ELF2: variants seen among roughly 807,000 people sequenced by gnomAD.
ELF2 encodes the protein E74 like ETS transcription factor 2, also known as ETS-related transcription factor Elf-2.
In ELF2, 11 loss-of-function variants were observed where a neutral mutation model predicts 54.8. That is an observed-to-expected ratio of 0.20 (90% CI 0.13 to 0.33). The LOEUF (loss-of-function observed/expected upper bound fraction) is 0.33. Ranked by LOEUF, ELF2 falls within the 10% of genes least tolerant of loss-of-function variation. The probability of loss-of-function intolerance (pLI) is 1.00; values close to 1 mark genes in which losing one functional copy is unlikely to be tolerated. For missense variants in ELF2, 513 were observed against 703.0 expected (o/e 0.73, Z 3.06); for synonymous variants, 203 against 245.1 (o/e 0.83, Z 1.61).
At chr4:139,103,204 A>G (rs994726839) in intron 4 of ELF2, among the ~76,000 whole-genome samples, 2 of 152,242 alleles carry the variant, frequency 1.3e-5, no homozygotes, top group African/African-American at 4.8e-5. Flanking sequence ...TGAAATATAT[A>G]TATTTAGTCT....
intron 1 of ELF2, among the ~76,000 whole-genome samples, chr4:139,163,991 A>G (rs1741434214): frequency 6.7e-6 from 1 of 149,578 alleles, no homozygotes; most frequent in African/African-American, 2.5e-5. Context: ...GGAAAGAAAG[A>G]AGGAAAGGAA....
intron 3 of ELF2, among the ~76,000 whole-genome samples, chr4:139,130,892 A>G (rs919504019): frequency 6.6e-6 from 1 of 152,208 alleles, no homozygotes; most frequent in Non-Finnish European, 1.5e-5. Flanking sequence ...TTTTTCTGCC[A>G]TATGATACAG....
rs755423225 is a variant in ELF2 at position 139,060,546 on chromosome 4, G to C, written c.935C>G (p.Ala312Gly). The change falls in exon 9 of 10, where the codon GCA becomes GGA. Residue 312 changes from alanine to glycine, a missense_variant. Coordinates refer to ENST00000686138, the MANE Select transcript of ELF2 (RefSeq NM_001331036.3). ...TAATGATTTTTCATCAGTAGTTCCT[G>C]CTAAATCTTCATTACAGGTTTCACT... ...DKSETCNEDL[A>G]GTTDEKSLER... 11 of 1,614,198 alleles carry C rather than the reference G, an allele frequency of 6.8e-6. No individual in the cohort carries two copies. The South Asian group carries it at 1.2e-4, about 18-fold the overall frequency.
chr4:139,142,096 G>A (rs1020617026), intron 1 of ELF2, among the ~76,000 whole-genome samples: 1 of 152,022 alleles, frequency 6.6e-6, no homozygotes, highest in Non-Finnish European at 1.5e-5. Context: ...GCAGAGGAGA[G>A]AGAAAAAAAT....
chr4:139,089,083 T>C (rs939330587), intron 4 of ELF2, among the ~76,000 whole-genome samples: 3 of 152,224 alleles, frequency 2.0e-5, no homozygotes, highest in African/African-American at 7.2e-5. Context: ...ATTTCTATAC[T>C]GATTCAAAAA....
intron 1 of ELF2, among the ~76,000 whole-genome samples, chr4:139,160,119 C>T (rs1740976492): frequency 1.3e-5 from 2 of 152,086 alleles, no homozygotes; most frequent in Non-Finnish European, 2.9e-5. Flanking sequence ...GGGCAGATCA[C>T]GAGGTCAGGA....
chr4:139,085,352 A>G (rs1017920720), intron 4 of ELF2, among the ~76,000 whole-genome samples: 2 of 152,244 alleles, frequency 1.3e-5, no homozygotes, highest in African/African-American at 4.8e-5. Context: ...AGTGCCTCCT[A>G]CAGAGTAAGT....
At chr4:139,120,033 C>T (rs1736153586) in intron 4 of ELF2, among the ~76,000 whole-genome samples, 1 of 152,146 alleles carries the variant, frequency 6.6e-6, no homozygotes, top group Non-Finnish European at 1.5e-5. Flanking sequence ...CTTGGCCTCC[C>T]AAAGTGCTGG....
At chr4:139,094,661 T>C (rs572395900) in intron 4 of ELF2, among the ~76,000 whole-genome samples, 38 of 152,202 alleles carry the variant, frequency 2.5e-4, no homozygotes, top group Admixed American at 1.8e-3. Context: ...ACATACAACC[T>C]CAACAAACTA....
intron 2 of ELF2, 131 bp downstream of exon 2, chr4:139,139,282 A>C: frequency 9.2e-6 from 4 of 434,074 alleles, no homozygotes; most frequent in South Asian, 1.2e-4. Flanking sequence ...TCTTATAAAC[A>C]TAAAATGGAA....
At chr4:139,107,965 G>GAAA (rs370955690) in intron 4 of ELF2, among the ~76,000 whole-genome samples, 3 of 137,188 alleles carry the variant, frequency 2.2e-5, no homozygotes, top group Non-Finnish European at 4.8e-5. Flanking sequence ...CAGGAGAAGA[G>GAAA]AAAAAAAAAA....
intron 1 of ELF2, among the ~76,000 whole-genome samples, chr4:139,143,381 C>T (rs1738908232): frequency 6.6e-6 from 1 of 152,216 alleles, no homozygotes; most frequent in Non-Finnish European, 1.5e-5. Context: ...TGCCTCCCTT[C>T]ACTGTTGCAA....
intron 3 of ELF2, among the ~76,000 whole-genome samples, chr4:139,136,190 G>C (rs1738135095): frequency 6.6e-6 from 1 of 152,196 alleles, no homozygotes. Flanking sequence ...TACAGAAAGT[G>C]AATCTTGAGG....
intron 3 of ELF2, among the ~76,000 whole-genome samples, chr4:139,129,693 G>C (rs1184624150): frequency 6.6e-6 from 1 of 152,214 alleles, no homozygotes; most frequent in Non-Finnish European, 1.5e-5. Flanking sequence ...AAAGCACAGA[G>C]TAAGTTATTC....
intron 4 of ELF2, among the ~76,000 whole-genome samples, chr4:139,081,560 G>C (rs6857539): frequency 6.6e-6 from 1 of 152,090 alleles, no homozygotes; most frequent in African/African-American, 2.4e-5. Flanking sequence ...ATTTTCACCT[G>C]TCTCCCCAGA....
intron 1 of ELF2, among the ~76,000 whole-genome samples, chr4:139,160,716 AT>A (rs991273467): frequency 6.6e-6 from 1 of 152,102 alleles, no homozygotes; most frequent in African/African-American, 2.4e-5. Context: ...TAATTCTAGT[AT>A]TTTGGGAGGC....
chr4:139,176,284 G>A (rs1423574781), intron 1 of ELF2, among the ~76,000 whole-genome samples: 3 of 152,188 alleles, frequency 2.0e-5, no homozygotes, highest in Non-Finnish European at 4.4e-5. Flanking sequence ...CCGGCGTGGA[G>A]AGCGAGAATA....
At chr4:139,163,816 A>T (rs962444910) in intron 1 of ELF2, among the ~76,000 whole-genome samples, 4 of 151,958 alleles carry the variant, frequency 2.6e-5, no homozygotes, top group African/African-American at 9.7e-5. Flanking sequence ...CAGGAGGCTG[A>T]GATGGGAGGA....
At chr4:139,084,248 G>T in intron 4 of ELF2, 1 of 1,609,222 alleles carries the variant, frequency 6.2e-7, no homozygotes. Context: ...AGCAGCGGCG[G>T]CAGGGGAGGA....
Sources: allele counts gnomAD v4.1 joint callset (sites outside exome capture counted in the v4.1 genomes callset), GRCh38; gene constraint gnomAD v4.1.1; transcripts MANE v1.5; gene names NCBI Gene and HGNC (gene_info 2026-07-23, HGNC 2026-07-21).